CSGALNACT1: variants seen among roughly 807,000 people sequenced by gnomAD.
CSGALNACT1 encodes chondroitin sulfate N-acetylgalactosaminyltransferase 1.
CSGALNACT1 carries 52 observed loss-of-function variants against 51.0 expected under a neutral mutation model. That is an observed-to-expected ratio of 1.02 (90% confidence interval 0.82 to 1.29). The LOEUF (loss-of-function observed/expected upper bound fraction) is 1.29. Ranked by LOEUF, CSGALNACT1 falls within the 50% of genes most tolerant of loss-of-function variation. CSGALNACT1 has a pLI of 0.00. For missense variants in CSGALNACT1, 935 were observed against 679.2 expected (o/e 1.38, Z -4.19); for synonymous variants, 341 against 254.4 (o/e 1.34, Z -3.24).
At chr8:19,717,283 A>G (rs2154237474) in intron 1 of CSGALNACT1, among the ~76,000 whole-genome samples, 1 of 152,376 alleles carries the variant, frequency 6.6e-6, no homozygotes, top group East Asian at 1.9e-4. Context: ...CTCGTGTGAC[A>G]GAGGCAAGGT....
chr8:19,533,809 C>G (rs1475271013), intron 3 of CSGALNACT1, among the ~76,000 whole-genome samples: 1 of 152,124 alleles, frequency 6.6e-6, no homozygotes, highest in African/African-American at 2.4e-5. Flanking sequence ...AGTTCTTTTT[C>G]TCCAAAACAT....
chr8:19,618,576 G>A (rs2053358804), intron 1 of CSGALNACT1, among the ~76,000 whole-genome samples: 1 of 121,276 alleles, frequency 8.2e-6, no homozygotes, highest in East Asian at 2.8e-4. Flanking sequence ...GAAGGGGAAT[G>A]AGCCAAGATC....
intron 3 of CSGALNACT1, among the ~76,000 whole-genome samples, chr8:19,559,150 A>C (rs1033285019): frequency 6.6e-6 from 1 of 152,206 alleles, no homozygotes; most frequent in Non-Finnish European, 1.5e-5. Flanking sequence ...TGGAAATTAC[A>C]AACTAATGTC....
intron 1 of CSGALNACT1, among the ~76,000 whole-genome samples, chr8:19,735,226 A>G (rs1242155745): frequency 6.6e-6 from 1 of 152,182 alleles, no homozygotes; most frequent in African/African-American, 2.4e-5. Context: ...TGCCCTGAGA[A>G]TGCCTAATAT....
At chr8:19,738,470 T>C (rs1218909753) in intron 1 of CSGALNACT1, among the ~76,000 whole-genome samples, 2 of 152,132 alleles carry the variant, frequency 1.3e-5, no homozygotes, top group African/African-American at 4.8e-5. Context: ...TGTCAGGGGC[T>C]GGAGGATGAA....
chr8:19,703,977 G>T (rs2062019593), intron 1 of CSGALNACT1, among the ~76,000 whole-genome samples: 1 of 152,074 alleles, frequency 6.6e-6, no homozygotes, highest in African/African-American at 2.4e-5. Flanking sequence ...GACCCTTGAG[G>T]GTATCATCTA....
At chr8:19,663,517 C>G (rs2058940586) in intron 1 of CSGALNACT1, among the ~76,000 whole-genome samples, 1 of 152,160 alleles carries the variant, frequency 6.6e-6, no homozygotes, top group Non-Finnish European at 1.5e-5. Context: ...AACTCTGTTC[C>G]AAAGAGCGTA....
intron 4 of CSGALNACT1, among the ~76,000 whole-genome samples, chr8:19,485,338 A>G (rs1338775081): frequency 6.6e-6 from 1 of 152,038 alleles, no homozygotes; most frequent in African/African-American, 2.4e-5. Flanking sequence ...TACCTTCAAA[A>G]TATGTCCAGA....
exon 5 of CSGALNACT1, chr8:19,458,591 T>C: frequency 6.2e-7 from 1 of 1,614,200 alleles, no homozygotes; most frequent in Non-Finnish European, 8.5e-7. Context: ...GTGGTCCCCT[T>C]TGAAGGTGAG....
intron 3 of CSGALNACT1, among the ~76,000 whole-genome samples, chr8:19,541,082 G>T (rs1305287852): frequency 6.7e-6 from 1 of 148,570 alleles, no homozygotes; most frequent in Non-Finnish European, 1.5e-5. Context: ...TTTTCTCTGG[G>T]TGATAATTTT....
At chr8:19,674,350 G>A (rs2060011520) in intron 1 of CSGALNACT1, among the ~76,000 whole-genome samples, 1 of 152,112 alleles carries the variant, frequency 6.6e-6, no homozygotes, top group Admixed American at 6.6e-5. Flanking sequence ...ACAATAAGAG[G>A]GGATCAAGAG....
intron 3 of CSGALNACT1, among the ~76,000 whole-genome samples, chr8:19,564,189 C>T (rs990417050): frequency 2.0e-5 from 3 of 152,214 alleles, no homozygotes; most frequent in Admixed American, 2.0e-4. Flanking sequence ...TCACTCCCTA[C>T]TTTAAAGGAC....
intron 7 of CSGALNACT1, 151 bp downstream of exon 6, chr8:19,420,189 C>T: frequency 1.4e-6 from 1 of 738,118 alleles, no homozygotes; most frequent in Non-Finnish European, 2.4e-6. Context: ...TGAGAACAGA[C>T]TAATACAGAT....
At chr8:19,411,387 C>A (rs564827343) in intron 8 of CSGALNACT1, among the ~76,000 whole-genome samples, 92 of 152,340 alleles carry the variant, frequency 6.0e-4, no homozygotes, top group African/African-American at 2.1e-3. Flanking sequence ...TTCACGACTA[C>A]ATCTCCAGCA....
chr8:19,672,031 A>T (rs1405823651), intron 1 of CSGALNACT1, among the ~76,000 whole-genome samples: 1 of 152,224 alleles, frequency 6.6e-6, no homozygotes, highest in Non-Finnish European at 1.5e-5. Context: ...AAGCAACATA[A>T]AGTGGTACAT....
chr8:19,543,608 C>T (rs1005367764), intron 3 of CSGALNACT1, among the ~76,000 whole-genome samples: 4 of 152,166 alleles, frequency 2.6e-5, no homozygotes, highest in African/African-American at 9.7e-5. Flanking sequence ...TGGGGTTCCA[C>T]AGGCAGAAAC....
chr8:19,541,553 ATTT>A (rs1159626193), intron 3 of CSGALNACT1, among the ~76,000 whole-genome samples: 69 of 70,092 alleles, frequency 9.8e-4, no homozygotes, highest in African/African-American at 4.3e-3. Flanking sequence ...TGCTCAGCCA[ATTT>A]TTTTTTTTTT....
At chr8:19,597,066 G>A (rs115027001) in intron 2 of CSGALNACT1, among the ~76,000 whole-genome samples, 85 of 152,078 alleles carry the variant, frequency 5.6e-4, no homozygotes, top group African/African-American at 2.0e-3. Flanking sequence ...ACCACTCTAG[G>A]GACCACATAT....
chr8:19,712,196 T>C (rs1344026243), intron 1 of CSGALNACT1, among the ~76,000 whole-genome samples: 1 of 152,078 alleles, frequency 6.6e-6, no homozygotes, highest in African/African-American at 2.4e-5. Context: ...CGGCTAATTT[T>C]TTGTATTTTT....
Sources: allele counts gnomAD v4.1 joint callset (sites outside exome capture counted in the v4.1 genomes callset), GRCh38; gene constraint gnomAD v4.1.1; transcripts MANE v1.5; gene names NCBI Gene and HGNC (gene_info 2026-07-23, HGNC 2026-07-21).